The following CLMN variants were observed in gnomAD, a reference collection of about 807,000 sequenced individuals.
The protein encoded by CLMN is calmin, also known as calmin (calponin-like, transmembrane).
A neutral mutation model predicts 92.7 loss-of-function variants in CLMN; 57 were observed. The ratio of observed to expected loss-of-function variants is 0.61; its 90% CI spans 0.50 to 0.77. The LOEUF is 0.77. Ranked by LOEUF, CLMN falls within the 30% of genes least tolerant of loss-of-function variation. The pLI, the probability that CLMN is intolerant of heterozygous loss-of-function variation, is 0.00. For missense variants in CLMN, 1,158 were observed against 1,237.5 expected (o/e 0.94, Z 0.96); for synonymous variants, 466 against 470.6 (o/e 0.99, Z 0.13).
intron 1 of CLMN, among the ~76,000 whole-genome samples, chr14:95,245,240 A>ATATATATATAT (rs1566891247): frequency 1.7e-3 from 45 of 26,112 alleles, no homozygotes; most frequent in African/African-American, 4.8e-3. Context: ...TATATATATT[A>ATATATATATAT]TATATATATA....
At chr14:95,193,822 C>T (rs775152135) in intron 12 of CLMN, 27 bp downstream of exon 12, 28 of 1,611,866 alleles carry the variant, frequency 1.7e-5, no homozygotes, top group Non-Finnish European at 2.3e-5. Flanking sequence ...TTACTACCCC[C>T]ACAAAACCTG....
rs1440141230 is a variant in CLMN at position 95,196,642 on chromosome 14, A to G, written c.2564T>C (p.Val855Ala). Residue 855 changes from valine (V) to alanine (A), a missense_variant, in exon 10 of 13, where the codon GTA becomes GCA. By Grantham distance (64) the Val-to-Ala change is moderately conservative (BLOSUM62 0). Coordinates refer to ENST00000298912, the MANE Select transcript of CLMN (RefSeq NM_024734.4). Reference sequence around the variant, plus strand: ...TTTACTACTGATTGATTCTTTCGTTACATTTTCTTCTAGGGGGTTTGCTAT... The same window carrying G: ...TTTACTACTGATTGATTCTTTCGTTGCATTTTCTTCTAGGGGGTTTGCTAT... ...ENIANPLEEN[V>A]TKESISSKKK... 1 of 1,613,758 alleles carries G rather than the reference A, an allele frequency of 6.2e-7. No individual in the cohort carries two copies. Among genetic ancestry groups the G allele is most frequent in the Non-Finnish European group, 8.5e-7 (1 of 1,179,974 alleles).
At chr14:95,221,631 A>G (rs1897542221) in intron 4 of CLMN, 60 bp downstream of exon 4, 1 of 1,475,410 alleles carries the variant, frequency 6.8e-7, no homozygotes, top group Non-Finnish European at 9.4e-7. Flanking sequence ...TGAACTTCAA[A>G]TGACGTCCTT....
At chr14:95,210,591 A>C (rs759412039) in intron 7 of CLMN, 95 bp downstream of exon 7, 268 of 1,307,322 alleles carry the variant, frequency 2.0e-4, no homozygotes, top group Non-Finnish European at 2.6e-4. Flanking sequence ...CTTCTTCATT[A>C]GATTTTTCTG....
At chr14:95,212,821 T>C (rs1035653544) in intron 6 of CLMN, among the ~76,000 whole-genome samples, 75 of 151,440 alleles carry the variant, frequency 5.0e-4, no homozygotes, top group Admixed American at 1.8e-3. Flanking sequence ...TGTCTCGCTC[T>C]GTTGCCCAGG....
chr14:95,260,689 T>G (rs999001458), intron 1 of CLMN: 1 of 152,172 alleles, frequency 6.6e-6, no homozygotes, highest in Non-Finnish European at 1.5e-5. Context: ...GGTGAGTTGG[T>G]GTGGGTGGGA....
intron 4 of CLMN, among the ~76,000 whole-genome samples, chr14:95,216,289 C>T (rs557994531): frequency 9.2e-5 from 14 of 152,336 alleles, no homozygotes; most frequent in South Asian, 4.1e-4. Context: ...CCTGCTCCCC[C>T]GATTCAATGA....
In CLMN at chr14:95,203,554, C is replaced by T. The variant is rs768852943; in HGVS notation, c.1795G>A (p.Glu599Lys). 1.1e-5 allele frequency: 17 copies of T among 1,614,046 alleles called. No individual in the cohort carries two copies. The Admixed American group carries it at 2.0e-4, about 19-fold the overall frequency. Residue 599 changes from glutamate (E) to lysine (K), a missense_variant, in exon 9 of 13, where the codon GAG becomes AAG. By Grantham distance (56) the Glu-to-Lys change is moderately conservative. Transcript: ENST00000298912. ...TKPDEDAEAF[E>K]NHAEKLGKRS... Reference sequence around the variant, plus strand: ...TTACCTAGTTTTTCAGCATGATTCTCAAAAGCCTCAGCATCCTCGTCAGGT... The same window carrying T: ...TTACCTAGTTTTTCAGCATGATTCTTAAAAGCCTCAGCATCCTCGTCAGGT...
Position 95,207,207 on chromosome 14 carries a change from T to C in CLMN, c.885+2188A>G, listed in dbSNP as rs185259728. Among the ~76,000 whole-genome samples the C allele has an allele frequency of 3.8e-3, 572 of 152,346 alleles. 3 individuals are homozygous for C. Among genetic ancestry groups the C allele is most frequent in the Non-Finnish European group, 6.8e-3 (462 of 68,030 alleles). ...ATCAATATATTCGTCACCTCAAATA[T>C]TTATCATTTCTTTGTAATGAAAACA... On this transcript the variant is annotated intron_variant, in intron 8 of 12. Transcript: ENST00000298912.
At chr14:95,234,257 A>G (rs934669664) in intron 1 of CLMN, among the ~76,000 whole-genome samples, 1 of 152,192 alleles carries the variant, frequency 6.6e-6, no homozygotes, top group South Asian at 2.1e-4. Flanking sequence ...GCCGCAAGCA[A>G]GGCCAGTTTC....
At chr14:95,206,009 G>A (rs1897037075) in intron 8 of CLMN, among the ~76,000 whole-genome samples, 1 of 151,952 alleles carries the variant, frequency 6.6e-6, no homozygotes, top group African/African-American at 2.4e-5. Flanking sequence ...GAGTTTGTCA[G>A]AATAAATACA....
Position 95,223,808 on chromosome 14 carries a change from A to G in CLMN, c.192T>C (p.Asp64=), listed in dbSNP as rs772771849. The G allele has an allele frequency of 1.2e-6, 2 of 1,613,834 alleles. No individual in the cohort carries two copies. The highest frequency in any genetic ancestry group is 1.7e-6 in the Non-Finnish European group (2 of 1,180,000). The change falls in exon 3 of 13, where the codon GAT becomes GAC. Residue 64 remains aspartate, a synonymous_variant. Transcript: ENST00000298912. ...EVKDLFVDIQ[D]GKILMALLEV... Reference sequence around the variant, plus strand: ...CTAACAAAGCCATTAGGATTTTGCCATCTTGTATATCGACGAATAAATCTT... The same window carrying G: ...CTAACAAAGCCATTAGGATTTTGCCGTCTTGTATATCGACGAATAAATCTT...
intron 1 of CLMN, among the ~76,000 whole-genome samples, chr14:95,262,925 C>T (rs918123475): frequency 6.6e-6 from 1 of 152,134 alleles, no homozygotes; most frequent in Non-Finnish European, 1.5e-5. Context: ...TCCAAGGCCA[C>T]GCAGCTTGTT....
At chr14:95,297,259 G>C (rs1025408535) in intron 1 of CLMN, among the ~76,000 whole-genome samples, 2 of 152,130 alleles carry the variant, frequency 1.3e-5, no homozygotes, top group African/African-American at 4.8e-5. Flanking sequence ...AACCAAAATG[G>C]CCACTTTTGT....
intron 8 of CLMN, 55 bp downstream of exon 8, chr14:95,209,340 G>T: frequency 6.5e-7 from 1 of 1,531,366 alleles, no homozygotes; most frequent in South Asian, 1.1e-5. Context: ...TCGTCTGATG[G>T]CCAGCGGATG....
At chr14:95,201,498 C>T (rs895426648) in intron 9 of CLMN, among the ~76,000 whole-genome samples, 8 of 151,742 alleles carry the variant, frequency 5.3e-5, no homozygotes, top group Non-Finnish European at 1.2e-4. Context: ...TGAAGGCTGA[C>T]TCCAGCCTTG....
chr14:95,230,771 C>T (rs534806436), intron 1 of CLMN, among the ~76,000 whole-genome samples: 1 of 152,244 alleles, frequency 6.6e-6, no homozygotes, highest in African/African-American at 2.4e-5. Flanking sequence ...TCCACACAGT[C>T]CCTGGCACAG....
intron 8 of CLMN, among the ~76,000 whole-genome samples, chr14:95,206,671 G>C (rs1595567097): frequency 6.6e-6 from 1 of 152,210 alleles, no homozygotes; most frequent in Non-Finnish European, 1.5e-5. Flanking sequence ...AGACTGTTCT[G>C]CAGTGATGCA....
rs183983147 is a variant in CLMN, at chr14:95,229,245, C to T, written c.144+827G>A. ...GAGGGCTGAGATTTCTGCCTGCTCC[C>T]ATCCCCCTTCTCACCCAGAGCTGTT... On this transcript the variant is annotated intron_variant, in intron 2 of 12. Transcript: ENST00000298912. Among the ~76,000 whole-genome samples the T allele has an allele frequency of 1.8e-3, 273 of 152,336 alleles. 1 individual carries two copies. Among genetic ancestry groups the T allele is most frequent in the Admixed American group, 5.3e-3 (81 of 15,304 alleles).
Sources: gnomAD v4.1 joint callset for allele counts (sites outside exome capture counted in the v4.1 genomes callset) on GRCh38, gnomAD v4.1.1 for gene constraint, MANE v1.5 for transcripts, NCBI Gene and HGNC (gene_info 2026-07-23, HGNC 2026-07-21) for gene names.